NHS: variants seen among roughly 807,000 people sequenced by gnomAD.
NHS encodes actin remodeling regulator NHS.
In NHS, 5 loss-of-function variants were observed where a neutral mutation model predicts 72.5. The ratio of observed to expected loss-of-function variants is 0.07; its 90% confidence interval spans 0.04 to 0.14. The LOEUF (loss-of-function observed/expected upper bound fraction) is 0.14. Ranked by LOEUF, NHS falls within the 10% of genes least tolerant of loss-of-function variation. The probability of loss-of-function intolerance (pLI) is 1.00; values close to 1 mark genes in which losing one functional copy is unlikely to be tolerated. For synonymous variants in NHS, 464 were observed against 547.7 expected, an observed-to-expected ratio of 0.85 and a Z score of 2.13; for missense variants, 1,072 against 1,355.7, an observed-to-expected ratio of 0.79 and a Z score of 3.29.
At chrX:17,490,136 C>T (rs747956899) in intron 1 of NHS, among the ~76,000 whole-genome samples, 3 of 112,186 alleles carry the variant, frequency 2.7e-5, no homozygotes, top group African/African-American at 6.5e-5. Flanking sequence ...TAATTAGATG[C>T]CATTTGTCAA....
chrX:17,436,469 T>C (rs1280336777), intron 1 of NHS, among the ~76,000 whole-genome samples: 2 of 110,740 alleles, frequency 1.8e-5, no homozygotes, highest in African/African-American at 3.3e-5. Flanking sequence ...AAACAAATGT[T>C]TGGAAATGAT....
At chrX:17,709,702 G>A (rs2066318047) in intron 3 of NHS, among the ~76,000 whole-genome samples, 1 of 111,491 alleles carries the variant, frequency 9.0e-6, no homozygotes, top group South Asian at 3.8e-4. Context: ...AGCAGCCTGC[G>A]GTACTAGAAC....
chrX:17,392,113 A>G (rs2064448317), intron 1 of NHS, among the ~76,000 whole-genome samples: 1 of 111,870 alleles, frequency 8.9e-6, no homozygotes, highest in Non-Finnish European at 1.9e-5. Flanking sequence ...CTCCAATTGT[A>G]GGAAGGCCAT....
intron 1 of NHS, among the ~76,000 whole-genome samples, chrX:17,637,913 G>A (rs1047835978): frequency 2.7e-5 from 3 of 112,154 alleles, no homozygotes; most frequent in African/African-American, 9.7e-5. Flanking sequence ...GCACAGCCAC[G>A]TGCTGGATGT....
At chrX:17,700,070 G>A (rs921425845) in intron 3 of NHS, among the ~76,000 whole-genome samples, 2 of 111,289 alleles carry the variant, frequency 1.8e-5, no homozygotes, top group African/African-American at 6.5e-5. Context: ...GAAAAATTGA[G>A]GAAAAGATGT....
intron 1 of NHS, among the ~76,000 whole-genome samples, chrX:17,549,796 G>A (rs1221883669): frequency 9.0e-6 from 1 of 111,368 alleles, no homozygotes; most frequent in Non-Finnish European, 1.9e-5. Context: ...AGCAGGAAGA[G>A]GGATGGGGAG....
At chrX:17,502,250 G>C (rs970043980) in intron 1 of NHS, among the ~76,000 whole-genome samples, 3 of 111,277 alleles carry the variant, frequency 2.7e-5, no homozygotes, top group Non-Finnish European at 5.7e-5. Flanking sequence ...ACATGAACAC[G>C]ATCTCATGGG....
chrX:17,494,991 T>C (rs1445480523), intron 1 of NHS, among the ~76,000 whole-genome samples: 1 of 112,196 alleles, frequency 8.9e-6, no homozygotes, highest in Non-Finnish European at 1.9e-5. Flanking sequence ...TTGGACAGAT[T>C]GAGGCACTTC....
At chrX:17,622,928 A>T (rs2065780743) in intron 1 of NHS, among the ~76,000 whole-genome samples, 1 of 109,926 alleles carries the variant, frequency 9.1e-6, no homozygotes, top group African/African-American at 3.3e-5. Flanking sequence ...TTTTATTATT[A>T]AAAAAAAATT....
At chrX:17,506,758 A>G (rs2065061222) in intron 1 of NHS, among the ~76,000 whole-genome samples, 1 of 110,871 alleles carries the variant, frequency 9.0e-6, no homozygotes. Context: ...TCCTTCCAGC[A>G]TATCTTCCTA....
At chrX:17,682,278 C>T (rs1174956336) in intron 1 of NHS, among the ~76,000 whole-genome samples, 1 of 112,049 alleles carries the variant, frequency 8.9e-6, no homozygotes, top group African/African-American at 3.2e-5. Flanking sequence ...CTGATGGCTC[C>T]TGAGGATTGG....
At chrX:17,691,559 A>G (rs183531982) in intron 2 of NHS, among the ~76,000 whole-genome samples, 13 of 111,507 alleles carry the variant, frequency 1.2e-4, no homozygotes, top group Non-Finnish European at 1.9e-4. Context: ...CGGACAGCCA[A>G]GTCAGACATG....
intron 1 of NHS, among the ~76,000 whole-genome samples, chrX:17,655,083 G>T (rs1344817941): frequency 1.8e-5 from 2 of 112,088 alleles, no homozygotes; most frequent in Non-Finnish European, 3.8e-5. Context: ...AGATGAATGG[G>T]GGGAGGGGAC....
At chrX:17,406,974 C>T (rs976576560) in intron 1 of NHS, among the ~76,000 whole-genome samples, 2 of 111,850 alleles carry the variant, frequency 1.8e-5, no homozygotes, top group Admixed American at 1.9e-4. Flanking sequence ...AAAATCCTAA[C>T]AGCAGAAAGA....
intron 1 of NHS, among the ~76,000 whole-genome samples, chrX:17,422,470 T>C (rs1450789172): frequency 9.0e-6 from 1 of 111,305 alleles, no homozygotes; most frequent in Non-Finnish European, 1.9e-5. Flanking sequence ...CTCTTCTCGA[T>C]GGTTCTTTTC....
intron 1 of NHS, among the ~76,000 whole-genome samples, chrX:17,431,634 G>A (rs1217833609): frequency 1.8e-5 from 2 of 111,680 alleles, no homozygotes; most frequent in African/African-American, 6.5e-5. Context: ...GTGATGGTGA[G>A]GGGCATGGCA....
chrX:17,528,824 G>GACCATA (rs1194327877), intron 1 of NHS: 3 of 111,949 alleles, frequency 2.7e-5, no homozygotes, highest in Admixed American at 9.5e-5. Flanking sequence ...GTCTCTTGGA[G>GACCATA]TGTTCTAGGT....
At chrX:17,557,380 A>C (rs1488381859) in intron 1 of NHS, 1 of 107,698 alleles carries the variant, frequency 9.3e-6, no homozygotes, top group African/African-American at 3.4e-5. Flanking sequence ...GGTTCCAGAG[A>C]GCATCTGGAG....
intron 1 of NHS, among the ~76,000 whole-genome samples, chrX:17,509,358 C>T (rs1018756365): frequency 9.1e-6 from 1 of 110,081 alleles, no homozygotes; most frequent in Non-Finnish European, 1.9e-5. Context: ...TCCAGAGTAG[C>T]TGGGACTACA....
Sources: gnomAD v4.1 joint callset for allele counts (sites outside exome capture counted in the v4.1 genomes callset) on GRCh38, gnomAD v4.1.1 for gene constraint, MANE v1.5 for transcripts, NCBI Gene and HGNC (gene_info 2026-07-23, HGNC 2026-07-21) for gene names.